The following PIGU variants were observed in gnomAD, a reference collection of about 807,000 sequenced individuals.
PIGU encodes the protein GPI-anchor transamidase component PIGU.
Under a neutral mutation model 49.9 loss-of-function variants are expected in PIGU, and 24 were observed. The ratio of observed to expected loss-of-function variants is 0.48; its 90% CI spans 0.35 to 0.68. The LOEUF is 0.68. PIGU is among the 30% of genes least tolerant of loss of function. PIGU has a pLI of 0.01. For missense variants in PIGU, 490 were observed against 532.6 expected, an observed-to-expected ratio of 0.92 and a Z score of 0.79; for synonymous variants, 220 against 205.7, an observed-to-expected ratio of 1.07 and a Z score of -0.59.
At chr20:34,635,413 T>C (rs1985925868) in intron 5 of PIGU, among the ~76,000 whole-genome samples, 1 of 152,182 alleles carries the variant, frequency 6.6e-6, no homozygotes, top group South Asian at 2.1e-4. Context: ...ATCTGGACCC[T>C]CACTAGGAAG....
At chr20:34,568,768 A>G (rs1299659771) in intron 11 of PIGU, among the ~76,000 whole-genome samples, 1 of 152,172 alleles carries the variant, frequency 6.6e-6, no homozygotes, top group Non-Finnish European at 1.5e-5. Flanking sequence ...TTCAGGCCTC[A>G]CTCAAAACAG....
intron 5 of PIGU, 129 bp downstream of exon 5, chr20:34,637,747 A>G: frequency 4.6e-6 from 7 of 1,514,276 alleles, no homozygotes; most frequent in Non-Finnish European, 6.2e-6. Context: ...GTTGTGCAAC[A>G]GAACTACAGC....
At chr20:34,657,052 G>A (rs1236558009) in intron 2 of PIGU, 128 bp downstream of exon 2, 10 of 696,620 alleles carry the variant, frequency 1.4e-5, no homozygotes, top group Non-Finnish European at 2.4e-5. Flanking sequence ...ATCTAAAAAC[G>A]GGCTGTTTCT....
At chr20:34,662,902 A>C (rs1311732695) in intron 1 of PIGU, among the ~76,000 whole-genome samples, 4 of 152,070 alleles carry the variant, frequency 2.6e-5, no homozygotes, top group Non-Finnish European at 5.9e-5. Flanking sequence ...TATTCAAAAG[A>C]AGTAGTTTTT....
intron 5 of PIGU, among the ~76,000 whole-genome samples, chr20:34,636,700 T>C (rs1171178303): frequency 6.6e-6 from 1 of 152,222 alleles, no homozygotes; most frequent in East Asian, 1.9e-4. Context: ...AAAGGTAGAC[T>C]AGTTACATAA....
chr20:34,657,933 C>T (rs959555379), intron 1 of PIGU, among the ~76,000 whole-genome samples: 3 of 140,848 alleles, frequency 2.1e-5, no homozygotes, highest in Non-Finnish European at 1.6e-5. Flanking sequence ...ATAACCTCTC[C>T]CTCTCCCTCT....
chr20:34,614,016 C>T (rs933711530), intron 7 of PIGU, among the ~76,000 whole-genome samples: 33 of 152,212 alleles, frequency 2.2e-4, no homozygotes, highest in Admixed American at 1.6e-3. Flanking sequence ...TAATTTCAAG[C>T]TGGGCACAGT....
chr20:34,670,882 GATAA>G (rs1227173274), intron 1 of PIGU, among the ~76,000 whole-genome samples: 6 of 152,128 alleles, frequency 3.9e-5, no homozygotes, highest in Non-Finnish European at 7.4e-5. Context: ...TGGGTTTCTA[GATAA>G]GTACTAATAG....
chr20:34,627,113 G>A (rs1353259440), intron 6 of PIGU, among the ~76,000 whole-genome samples: 2 of 152,084 alleles, frequency 1.3e-5, no homozygotes, highest in South Asian at 2.1e-4. Flanking sequence ...TTGTTTGTGA[G>A]GGTCTCTATT....
At position 34,654,355 on chromosome 20, in the gene PIGU, T is replaced by C. The variant is rs1319859928; in HGVS notation, c.195+2825A>G. Among the ~76,000 whole-genome samples, 17 of 109,200 alleles carry C rather than the reference T, an allele frequency of 1.6e-4. 4 individuals carry two copies. The highest frequency in any genetic ancestry group is 5.4e-4 in the African/African-American group (16 of 29,444). 71.6% of individuals were successfully genotyped at this position (109,200 alleles called of 152,430 possible). A position where few individuals can be genotyped will look rare whatever the true frequency, so the allele number is the denominator to read the frequency against. On this transcript the variant is annotated intron_variant, in intron 2 of 11. Transcript: ENST00000217446. ...GCACACGCCTATAACTCCAGCTACT[T>C]GGGATGCTGAGGCAGGACAATCACT...
At chr20:34,625,142 CG>C (rs1323172365) in intron 6 of PIGU, among the ~76,000 whole-genome samples, 4 of 152,072 alleles carry the variant, frequency 2.6e-5, no homozygotes, top group African/African-American at 9.7e-5. Flanking sequence ...GAGGCCAAGG[CG>C]GGTGGATCAC....
At chr20:34,667,553 A>G (rs541205401) in intron 1 of PIGU, among the ~76,000 whole-genome samples, 2 of 152,342 alleles carry the variant, frequency 1.3e-5, no homozygotes, top group African/African-American at 4.8e-5. Flanking sequence ...CCAAAACTAG[A>G]ATAATCCAAA....
chr20:34,634,768 G>A lies in PIGU; in HGVS notation c.429-53C>T, dbSNP rs1010617981. The A allele has an allele frequency of 1.4e-5, 22 of 1,587,632 alleles. No individual in the cohort carries two copies. In the African/African-American group the frequency reaches 2.7e-4, roughly 20 times the overall value. Reference sequence around the variant, plus strand: ...TAGTAATCCTGACCAAGGAGCCCTCGCCATTACAGCAAGGAAGTTCCAAGA... The same window carrying A: ...TAGTAATCCTGACCAAGGAGCCCTCACCATTACAGCAAGGAAGTTCCAAGA... On this transcript the variant is annotated intron_variant, in intron 5 of 11. Coordinates refer to ENST00000217446, the MANE Select transcript of PIGU (RefSeq NM_080476.5).
intron 1 of PIGU, among the ~76,000 whole-genome samples, chr20:34,673,797 G>A (rs1261145681): frequency 6.6e-6 from 1 of 152,226 alleles, no homozygotes; most frequent in Non-Finnish European, 1.5e-5. Flanking sequence ...GCTCACGCCT[G>A]TAATCCCAGC....
At chr20:34,616,926 A>T (rs1172974274) in intron 6 of PIGU, among the ~76,000 whole-genome samples, 1 of 152,358 alleles carries the variant, frequency 6.6e-6, no homozygotes, top group East Asian at 1.9e-4. Context: ...CCTAGCCAAC[A>T]TGGTGAAACC....
intron 9 of PIGU, among the ~76,000 whole-genome samples, chr20:34,584,682 G>A (rs1005379775): frequency 1.3e-5 from 2 of 150,900 alleles, no homozygotes. Flanking sequence ...GCTAATTTTT[G>A]TTGTTGTTGT....
chr20:34,597,210 T>G (rs1984235636), intron 7 of PIGU, among the ~76,000 whole-genome samples: 2 of 152,188 alleles, frequency 1.3e-5, no homozygotes, highest in Non-Finnish European at 2.9e-5. Flanking sequence ...GTAGTCTATT[T>G]GTAACAGACA....
In PIGU at chr20:34,632,657, G is replaced by A. The variant is rs1254599582; in HGVS notation, c.529+1958C>T. On this transcript the variant is annotated intron_variant, in intron 6 of 11. Transcript: ENST00000217446. ...TGGGATTACAGGTGTAAGCCACTGC[G>A]CCCAGCCTTCATACACCCTTTCTTA... Among the ~76,000 whole-genome samples the A allele has an allele frequency of 5.3e-5, 8 of 152,110 alleles. No homozygotes were observed. In the East Asian group the frequency reaches 9.7e-4, roughly 18 times the overall value.
intron 1 of PIGU, 84 bp from the exon 2 acceptor site, chr20:34,657,328 G>T: frequency 1.0e-6 from 1 of 991,092 alleles, no homozygotes; most frequent in South Asian, 1.4e-5. Context: ...ACCAAAAAGG[G>T]CCTTAGCGTT....
Sources: gnomAD v4.1 joint callset for allele counts (sites outside exome capture counted in the v4.1 genomes callset) on GRCh38, gnomAD v4.1.1 for gene constraint, MANE v1.5 for transcripts, NCBI Gene and HGNC (gene_info 2026-07-23, HGNC 2026-07-21) for gene names.